The following ARHGAP42 variants were observed in gnomAD, a reference collection of about 807,000 sequenced individuals.
ARHGAP42 encodes the protein rho GTPase-activating protein 42.
ARHGAP42 carries 63 observed loss-of-function variants against 125.0 expected under a neutral mutation model. The observed-to-expected ratio is 0.50, with a 90% CI of 0.41 to 0.62. The LOEUF (loss-of-function observed/expected upper bound fraction) is 0.62, where lower values mean the gene tolerates loss of function less well. Among genes scored for constraint, ARHGAP42 ranks in the 20% least tolerant of loss-of-function variants. The probability of loss-of-function intolerance (pLI) is 0.00; values close to 1 mark genes in which losing one functional copy is unlikely to be tolerated. For synonymous variants in ARHGAP42, 339 were observed against 351.0 expected (o/e 0.97, Z 0.38); for missense variants, 766 against 1,024.2 (o/e 0.75, Z 3.44).
chr11:100,723,623 T>C (rs1198005165), intron 1 of ARHGAP42, among the ~76,000 whole-genome samples: 2 of 152,202 alleles, frequency 1.3e-5, no homozygotes, highest in Non-Finnish European at 2.9e-5. Context: ...TATATTAGCT[T>C]TGTATCCTGA....
At chr11:100,788,100 A>C (rs938102105) in intron 2 of ARHGAP42, among the ~76,000 whole-genome samples, 8 of 152,224 alleles carry the variant, frequency 5.3e-5, no homozygotes, top group Admixed American at 6.5e-5. Flanking sequence ...TATGATATTA[A>C]ACAACTTTGT....
intron 4 of ARHGAP42, among the ~76,000 whole-genome samples, chr11:100,874,916 G>T (rs912604312): frequency 2.9e-4 from 44 of 152,192 alleles, no homozygotes; most frequent in Non-Finnish European, 2.9e-4. Context: ...CTCAAAGCAC[G>T]TATCTCAGGA....
intron 4 of ARHGAP42, among the ~76,000 whole-genome samples, chr11:100,904,014 G>A (rs966043437): frequency 2.0e-5 from 3 of 151,660 alleles, no homozygotes; most frequent in African/African-American, 7.3e-5. Flanking sequence ...CCAGTTTAAG[G>A]GTGGATCTGC....
At chr11:100,883,335 GTTTGT>G (rs1866004746) in intron 4 of ARHGAP42, among the ~76,000 whole-genome samples, 1 of 151,982 alleles carries the variant, frequency 6.6e-6, no homozygotes, top group Non-Finnish European at 1.5e-5. Flanking sequence ...TTTTGTTTCT[GTTTGT>G]TTTGTTTTTT....
intron 22 of ARHGAP42, among the ~76,000 whole-genome samples, chr11:100,979,564 C>T (rs1858478713): frequency 1.3e-5 from 2 of 152,144 alleles, no homozygotes; most frequent in African/African-American, 4.8e-5. Flanking sequence ...TGAGTTGTTA[C>T]ATCTTGCTTC....
intron 1 of ARHGAP42, among the ~76,000 whole-genome samples, chr11:100,743,803 A>G (rs1246501406): frequency 6.6e-6 from 1 of 152,124 alleles, no homozygotes; most frequent in African/African-American, 2.4e-5. Flanking sequence ...GTTAATTTGA[A>G]AGTCTTCTCT....
chr11:100,880,682 C>T (rs952690985), intron 4 of ARHGAP42, among the ~76,000 whole-genome samples: 1 of 152,224 alleles, frequency 6.6e-6, no homozygotes, highest in Non-Finnish European at 1.5e-5. Context: ...TACTGTTTTC[C>T]ATAGTGGTTG....
intron 8 of ARHGAP42, among the ~76,000 whole-genome samples, chr11:100,941,244 G>C (rs1038696188): frequency 6.6e-6 from 1 of 152,174 alleles, no homozygotes; most frequent in Admixed American, 6.6e-5. Flanking sequence ...GCAGAAAGCA[G>C]TGGGATGTGA....
chr11:100,977,107 T>C, intron 21 of ARHGAP42, 136 bp downstream of exon 21: 1 of 957,378 alleles, frequency 1.0e-6, no homozygotes, highest in African/African-American at 1.6e-5. Context: ...ACAGTCCACT[T>C]CTGTAAGACT....
chr11:100,760,306 T>C (rs1251518267), intron 1 of ARHGAP42, among the ~76,000 whole-genome samples: 3 of 152,122 alleles, frequency 2.0e-5, no homozygotes, highest in Non-Finnish European at 4.4e-5. Context: ...ATTTTGAGTA[T>C]GCAAAGAATA....
At position 100,981,575 on chromosome 11, in the gene ARHGAP42, G is replaced by A. The variant is rs577074298; in HGVS notation, c.2456+2526G>A. ...ATTTTAGTGGATGGCCTTGAGCCAC[G>A]GAAAAGTAACCCCCCCAGCATTGCT... On this transcript the variant is annotated intron_variant, in intron 22 of 23. Coordinates refer to ENST00000298815, the MANE Select transcript of ARHGAP42 (RefSeq NM_152432.4). Among the ~76,000 whole-genome samples, 20 of 152,258 alleles carry A rather than the reference G, an allele frequency of 1.3e-4. 2 individuals carry two copies. The South Asian group carries it at 3.1e-3, about 24-fold the overall frequency.
chr11:100,920,513 A>G (rs1042681756), intron 5 of ARHGAP42, among the ~76,000 whole-genome samples: 22 of 152,158 alleles, frequency 1.4e-4, no homozygotes, highest in South Asian at 2.1e-4. Flanking sequence ...GATACTTAGT[A>G]CTCCAGAAAG....
At chr11:100,832,553 G>C (rs1171244294) in intron 3 of ARHGAP42, among the ~76,000 whole-genome samples, 1 of 152,170 alleles carries the variant, frequency 6.6e-6, no homozygotes, top group Non-Finnish European at 1.5e-5. Flanking sequence ...AAGTATTTCA[G>C]GATTTTGTCA....
chr11:100,953,093 C>T (rs919068944), intron 12 of ARHGAP42, among the ~76,000 whole-genome samples: 1 of 151,970 alleles, frequency 6.6e-6, no homozygotes, highest in Non-Finnish European at 1.5e-5. Context: ...TTGTCAGGCG[C>T]TCTAACCATT....
intron 6 of ARHGAP42, among the ~76,000 whole-genome samples, chr11:100,924,012 G>C (rs1188900764): frequency 2.6e-5 from 4 of 152,054 alleles, no homozygotes; most frequent in Non-Finnish European, 4.4e-5. Context: ...AAGCTCCCAG[G>C]AGCTATAAAC....
At position 100,989,007 on chromosome 11, in the gene ARHGAP42, A is replaced by G; in HGVS notation, c.*206A>G. On this transcript the variant is annotated 3_prime_UTR_variant, in exon 24 of 24. Transcript: ENST00000298815. Reference sequence around the variant, plus strand: ...GCCATTCTTTTTTGGTTGGTTTCTTATTTTAAAATATCTTACTTGTGAAAA... The same window carrying G: ...GCCATTCTTTTTTGGTTGGTTTCTTGTTTTAAAATATCTTACTTGTGAAAA... 2.0e-6 allele frequency: 1 copy of G among 494,094 alleles called. No individual in the cohort carries two copies. The allele number at this position is 494,094 out of a possible 1,614,324, so 30.6% of individuals were successfully genotyped here.
chr11:100,881,853 G>C (rs1219626431), intron 4 of ARHGAP42, among the ~76,000 whole-genome samples: 1 of 147,508 alleles, frequency 6.8e-6, no homozygotes, highest in Non-Finnish European at 1.5e-5. Flanking sequence ...TTGTTTGTTT[G>C]TTTGTTTTTC....
intron 1 of ARHGAP42, among the ~76,000 whole-genome samples, chr11:100,746,667 G>A (rs555736643): frequency 7.0e-4 from 107 of 152,174 alleles, no homozygotes; most frequent in Non-Finnish European, 1.2e-3. Context: ...GTTTGGGAAG[G>A]GGGCAGCCGT....
chr11:100,772,616 G>A (rs1863009515), intron 2 of ARHGAP42, among the ~76,000 whole-genome samples: 1 of 152,158 alleles, frequency 6.6e-6, no homozygotes, highest in Admixed American at 6.5e-5. Context: ...CTGGGGAAGG[G>A]CAGCATTAGG....
Sources: allele counts gnomAD v4.1 joint callset (sites outside exome capture counted in the v4.1 genomes callset), GRCh38; gene constraint gnomAD v4.1.1; transcripts MANE v1.5; gene names NCBI Gene and HGNC (gene_info 2026-07-23, HGNC 2026-07-21).